Variants in RSRC1 observed in about 807,000 individuals in gnomAD.
RSRC1 encodes arginine and serine rich coiled-coil 1, also known as serine/Arginine-related protein 53.
A neutral mutation model predicts 49.1 loss-of-function variants in RSRC1; 39 were observed. The ratio of observed to expected loss-of-function variants is 0.79; its 90% CI spans 0.61 to 1.04. The LOEUF (loss-of-function observed/expected upper bound fraction) is 1.04, where lower values mean the gene tolerates loss of function less well. RSRC1 is among the 50% of genes least tolerant of loss of function. The pLI, the probability that RSRC1 is intolerant of heterozygous loss-of-function variation, is 0.00. For missense variants in RSRC1, 388 were observed against 402.4 expected, an observed-to-expected ratio of 0.96 and a Z score of 0.31; for synonymous variants, 143 against 130.8, an observed-to-expected ratio of 1.09 and a Z score of -0.63.
chr3:158,284,915 A>G, intron 4 of RSRC1, among the ~76,000 whole-genome samples: 1 of 151,810 alleles, frequency 6.6e-6, no homozygotes, highest in East Asian at 1.9e-4. Flanking sequence ...CCATTTGTCA[A>G]TTTTGGCTTT....
At chr3:158,452,212 G>A (rs1048534122) in intron 6 of RSRC1, among the ~76,000 whole-genome samples, 3 of 152,076 alleles carry the variant, frequency 2.0e-5, no homozygotes, top group Non-Finnish European at 4.4e-5. Context: ...CTGTGTATTG[G>A]TCATTCTGAC....
intron 3 of RSRC1, among the ~76,000 whole-genome samples, chr3:158,154,150 A>G (rs1412495671): frequency 6.6e-6 from 1 of 151,884 alleles, no homozygotes; most frequent in Non-Finnish European, 1.5e-5. Flanking sequence ...TTTACTCTAT[A>G]CCATAGTCTG....
intron 6 of RSRC1, among the ~76,000 whole-genome samples, chr3:158,425,295 A>C (rs954613423): frequency 6.6e-6 from 1 of 151,750 alleles, no homozygotes; most frequent in Non-Finnish European, 1.5e-5. Context: ...GTTCTCGTTG[A>C]TTTCAAAGAA....
intron 4 of RSRC1, among the ~76,000 whole-genome samples, chr3:158,267,613 G>T: frequency 6.7e-6 from 1 of 150,168 alleles, no homozygotes; most frequent in Admixed American, 6.6e-5. Context: ...TTATTTTTCT[G>T]TTTTCTTTCT....
intron 7 of RSRC1, among the ~76,000 whole-genome samples, chr3:158,465,542 C>T (rs1485794745): frequency 6.6e-6 from 1 of 152,076 alleles, no homozygotes; most frequent in African/African-American, 2.4e-5. Flanking sequence ...ATTTAGGAAT[C>T]ACTATTTATT....
chr3:158,376,190 G>GTTT lies in RSRC1; in HGVS notation c.583+21298_583+21300dup, dbSNP rs760919300. 9.4e-4 allele frequency among the ~76,000 whole-genome samples: 67 copies of GTTT among 71,402 alleles called. 1 individual carries two copies. Among genetic ancestry groups the GTTT allele is most frequent in the Middle Eastern group, 0.013 (1 of 80 alleles). 46.8% of individuals were successfully genotyped at this position (71,402 alleles called of 152,430 possible). ...CTCCCTTCCTTCTTCCCTTCCTTTC[G>GTTT]TTTTTTTTTTTTTTTTTTAAAGACA... On this transcript the variant is annotated intron_variant, in intron 6 of 9. Transcript: ENST00000611884.
At chr3:158,331,730 A>G (rs540150016) in intron 5 of RSRC1, among the ~76,000 whole-genome samples, 4 of 151,478 alleles carry the variant, frequency 2.6e-5, no homozygotes, top group Non-Finnish European at 4.4e-5. Flanking sequence ...TTATTGGAAT[A>G]TTTTTTTCCT....
intron 5 of RSRC1, among the ~76,000 whole-genome samples, chr3:158,332,939 A>G (rs772895241): frequency 4.9e-5 from 7 of 142,866 alleles, no homozygotes; most frequent in African/African-American, 1.8e-4. Flanking sequence ...TTATTTAATC[A>G]TTTTTCTCTT....
intron 6 of RSRC1, among the ~76,000 whole-genome samples, chr3:158,401,102 A>C (rs935981957): frequency 2.0e-5 from 3 of 152,100 alleles, no homozygotes; most frequent in Non-Finnish European, 4.4e-5. Context: ...AGTAGGCTAT[A>C]CTGTATAGCC....
At chr3:158,256,033 C>G (rs1167892526) in intron 4 of RSRC1, among the ~76,000 whole-genome samples, 2 of 152,070 alleles carry the variant, frequency 1.3e-5, no homozygotes. Context: ...TTCCTCTTTT[C>G]CTATTTGAAT....
chr3:158,412,920 G>A (rs1353572663), intron 6 of RSRC1, among the ~76,000 whole-genome samples: 5 of 152,078 alleles, frequency 3.3e-5, no homozygotes, highest in Admixed American at 3.3e-4. Context: ...ACTGCCCAAG[G>A]TAATTTATAG....
At chr3:158,318,695 T>C (rs1207883963) in intron 5 of RSRC1, among the ~76,000 whole-genome samples, 1 of 152,202 alleles carries the variant, frequency 6.6e-6, no homozygotes. Context: ...TATTTCCCTA[T>C]TTGTTAGGCC....
intron 6 of RSRC1, among the ~76,000 whole-genome samples, chr3:158,438,968 T>C (rs4561872): frequency 0.61 from 92,341 of 151,698 alleles, 28,995 homozygotes; most frequent in African/African-American, 0.75. Context: ...AACAAATTTA[T>C]AAGAAAAAAA....
intron 5 of RSRC1, among the ~76,000 whole-genome samples, chr3:158,336,221 C>T (rs56138932): frequency 0.073 from 11,191 of 152,316 alleles, 483 homozygotes; most frequent in South Asian, 0.13. Context: ...TATGGTCCTA[C>T]GCTTCAGAGG....
intron 4 of RSRC1, among the ~76,000 whole-genome samples, chr3:158,280,044 G>A (rs766755866): frequency 2.6e-4 from 40 of 152,122 alleles, no homozygotes; most frequent in Non-Finnish European, 4.7e-4. Flanking sequence ...CTGGACTTAA[G>A]CTCTGTTGCC....
intron 1 of RSRC1, among the ~76,000 whole-genome samples, chr3:158,118,261 T>G (rs1246371945): frequency 6.6e-6 from 1 of 152,072 alleles, no homozygotes; most frequent in African/African-American, 2.4e-5. Context: ...TAATTTTAAA[T>G]TTTTTTAGAG....
At chr3:158,217,580 A>C (rs1722015846) in intron 4 of RSRC1, among the ~76,000 whole-genome samples, 1 of 151,492 alleles carries the variant, frequency 6.6e-6, no homozygotes, top group Non-Finnish European at 1.5e-5. Flanking sequence ...CCTTTCCCAC[A>C]TGCAGGAACA....
At chr3:158,426,624 A>G (rs1267249297) in intron 6 of RSRC1, among the ~76,000 whole-genome samples, 2 of 151,786 alleles carry the variant, frequency 1.3e-5, no homozygotes, top group Non-Finnish European at 2.9e-5. Flanking sequence ...AGTATTCTTT[A>G]TGTTTTTAGT....
chr3:158,345,171 G>C (rs1730477600), intron 5 of RSRC1, among the ~76,000 whole-genome samples: 1 of 151,792 alleles, frequency 6.6e-6, no homozygotes, highest in African/African-American at 2.4e-5. Context: ...AAGTTGCAGT[G>C]AGCCGAGATT....
Sources: gnomAD v4.1 joint callset for allele counts (sites outside exome capture counted in the v4.1 genomes callset) on GRCh38, gnomAD v4.1.1 for gene constraint, MANE v1.5 for transcripts, NCBI Gene and HGNC (gene_info 2026-07-23, HGNC 2026-07-21) for gene names.